IPMK: variants seen among roughly 807,000 people sequenced by gnomAD.
IPMK encodes inositol 1,3,4,6-tetrakisphosphate 5-kinase.
Under a neutral mutation model 45.8 loss-of-function variants are expected in IPMK, and 17 were observed. The ratio of observed to expected loss-of-function variants is 0.37; its 90% CI spans 0.25 to 0.56. IPMK has a LOEUF of 0.56. Among genes scored for constraint, IPMK ranks in the 20% least tolerant of loss-of-function variants. The pLI is 0.79. For missense variants in IPMK, 399 were observed against 498.0 expected, an observed-to-expected ratio of 0.80 and a Z score of 1.89; for synonymous variants, 180 against 184.3, an observed-to-expected ratio of 0.98 and a Z score of 0.19.
chr10:58,201,181 T>C (rs777190321), intron 4 of IPMK, among the ~76,000 whole-genome samples: 1 of 152,146 alleles, frequency 6.6e-6, no homozygotes, highest in Non-Finnish European at 1.5e-5. Flanking sequence ...TAATATGATA[T>C]CTTGTATGGA....
At position 58,223,667 on chromosome 10, in the gene IPMK, A is replaced by ATGATATGGTTTGGCTCTC. The variant is rs1838370831; in HGVS notation, c.373+3358_373+3375dup. 3.3e-5 allele frequency among the ~76,000 whole-genome samples: 5 copies of ATGATATGGTTTGGCTCTC among 152,198 alleles called. No individual in the cohort carries two copies. The South Asian group carries it at 1.0e-3, about 32-fold the overall frequency. On this transcript the variant is annotated intron_variant, in intron 3 of 5. Transcript: ENST00000373935. ...ATTATGAAGCCAACTGGAAAAACAG[A>ATGATATGGTTTGGCTCTC]TGATATGGTTTGGCTCTCTGTCCCC...
At chr10:58,253,734 C>CAAA (rs1183304261) in intron 1 of IPMK, among the ~76,000 whole-genome samples, 1 of 49,848 alleles carries the variant, frequency 2.0e-5, no homozygotes, top group African/African-American at 9.6e-5. Flanking sequence ...ACTCCATCTC[C>CAAA]AAAAAAAAAA....
chr10:58,257,952 G>A (rs1838997065), intron 1 of IPMK, among the ~76,000 whole-genome samples: 1 of 152,194 alleles, frequency 6.6e-6, no homozygotes, highest in Non-Finnish European at 1.5e-5. Context: ...AAAACTGACA[G>A]AACTGAAAGG....
intron 4 of IPMK, among the ~76,000 whole-genome samples, chr10:58,203,803 A>G (rs1360400553): frequency 5.9e-5 from 9 of 152,248 alleles, no homozygotes; most frequent in African/African-American, 2.2e-4. Flanking sequence ...ACTGTGGGTA[A>G]AATTCTATCA....
chr10:58,242,378 T>G (rs940463655), intron 1 of IPMK, among the ~76,000 whole-genome samples: 74 of 148,722 alleles, frequency 5.0e-4, no homozygotes, highest in African/African-American at 1.7e-3. Flanking sequence ...GAGAATGGCG[T>G]GAACCCAGGC....
At chr10:58,255,694 A>C (rs1199920793) in intron 1 of IPMK, among the ~76,000 whole-genome samples, 2 of 151,838 alleles carry the variant, frequency 1.3e-5, no homozygotes, top group Non-Finnish European at 2.9e-5. Flanking sequence ...TTCTATGATA[A>C]ACATATATTG....
At chr10:58,262,058 A>G (rs1839078197) in intron 1 of IPMK, among the ~76,000 whole-genome samples, 1 of 152,100 alleles carries the variant, frequency 6.6e-6, no homozygotes, top group Non-Finnish European at 1.5e-5. Flanking sequence ...ACACTTGGAC[A>G]CAGGGCAGGG....
In IPMK at chr10:58,227,233, C is replaced by A. The variant is rs969022624; in HGVS notation, c.277-94G>T. On this transcript the variant is annotated intron_variant, in intron 2 of 5. Coordinates refer to ENST00000373935, the MANE Select transcript of IPMK (RefSeq NM_152230.5). Reference sequence around the variant, plus strand: ...ATAAAATTTATGTTGAATTATAATTCATCTGGTATGGCTTCAATTGCAAGT... The same window carrying A: ...ATAAAATTTATGTTGAATTATAATTAATCTGGTATGGCTTCAATTGCAAGT... 2.3e-5 allele frequency: 21 copies of A among 926,728 alleles called. No homozygotes were observed. The African/African-American group carries it at 3.3e-4, about 15-fold the overall frequency. The allele number at this position is 926,728 out of a possible 1,614,324, so 57.4% of individuals were successfully genotyped here.
chr10:58,251,912 G>T (rs1447771996), intron 1 of IPMK, among the ~76,000 whole-genome samples: 1 of 152,154 alleles, frequency 6.6e-6, no homozygotes, highest in Non-Finnish European at 1.5e-5. Flanking sequence ...ATATAGTTGG[G>T]TCTTGTTTTA....
In IPMK at chr10:58,194,251, AT is replaced by A. The variant is rs1323601060; in HGVS notation, c.*1824del. The A allele has an allele frequency of 6.6e-6, 1 of 151,834 alleles. No individual in the cohort carries two copies. Among genetic ancestry groups the A allele is most frequent in the Admixed American group, 6.6e-5 (1 of 15,266 alleles). The allele number at this position is 151,834 out of a possible 1,614,324, so 9.4% of individuals were successfully genotyped here. On this transcript the variant is annotated 3_prime_UTR_variant, in exon 6 of 6. Coordinates refer to ENST00000373935, the MANE Select transcript of IPMK (RefSeq NM_152230.5). ...TAGTGTTTAATTATCTGAGCTTAAG[AT>A]TTATTGAACCACTATCCAAATAACA...
chr10:58,239,741 G>A (rs1838668671), intron 1 of IPMK, among the ~76,000 whole-genome samples: 1 of 152,082 alleles, frequency 6.6e-6, no homozygotes, highest in South Asian at 2.1e-4. Context: ...TAAACCAACA[G>A]TAAACCAACA....
At chr10:58,206,371 T>C (rs147113330) in intron 4 of IPMK, among the ~76,000 whole-genome samples, 23 of 152,310 alleles carry the variant, frequency 1.5e-4, no homozygotes, top group African/African-American at 5.1e-4. Flanking sequence ...ATACTGTAAG[T>C]TGAATGTGGT....
At chr10:58,223,286 TA>T (rs950053327) in intron 3 of IPMK, among the ~76,000 whole-genome samples, 3 of 152,006 alleles carry the variant, frequency 2.0e-5, no homozygotes, top group Non-Finnish European at 2.9e-5. Flanking sequence ...GTGTTAGGTA[TA>T]AAAAAAATTC....
Position 58,260,965 on chromosome 10 carries a change from A to G in IPMK, c.190+6457T>C, listed in dbSNP as rs534382411. 2.2e-4 allele frequency among the ~76,000 whole-genome samples: 34 copies of G among 152,258 alleles called. No homozygotes were observed. The South Asian group carries it at 7.0e-3, about 32-fold the overall frequency. ...CAAAGGACCAGAAAAAGCCAAGACA[A>G]TCTTGAAATAGTAAGTGGGATGCAT... is the stretch of plus-strand genomic sequence containing the variant. On this transcript the variant is annotated intron_variant, in intron 1 of 5. Transcript: ENST00000373935.
Position 58,196,157 on chromosome 10 carries a change from G to A in IPMK, c.1170C>T (p.Phe390=). The A allele has an allele frequency of 6.2e-7, 1 of 1,613,692 alleles. No homozygotes were observed. Among genetic ancestry groups the A allele is most frequent in the East Asian group, 2.2e-5 (1 of 44,866 alleles). The change falls in exon 6 of 6, where the codon TTC becomes TTT. Residue 390 remains phenylalanine, a synonymous_variant. Transcript: ENST00000373935. ...ATCCCTCATCTATTGTGTTGCTAGG[G>A]AACACATGAGCAAAATCTATCATTC... ...EVRMIDFAHV[F]PSNTIDEGYV... is the part of the protein sequence containing the mutation.
intron 5 of IPMK, among the ~76,000 whole-genome samples, chr10:58,198,847 T>C (rs1837946187): frequency 6.6e-6 from 1 of 152,174 alleles, no homozygotes. Flanking sequence ...AAAAATACAT[T>C]AAATGCTACA....
intron 4 of IPMK, among the ~76,000 whole-genome samples, chr10:58,209,462 C>A (rs942999829): frequency 1.3e-5 from 2 of 152,180 alleles, no homozygotes. Flanking sequence ...TGGTGCTCTC[C>A]CTATTCCCCT....
At chr10:58,259,867 C>T (rs1221166231) in intron 1 of IPMK, among the ~76,000 whole-genome samples, 1 of 151,772 alleles carries the variant, frequency 6.6e-6, no homozygotes, top group Non-Finnish European at 1.5e-5. Context: ...ACAAATGTAA[C>T]ACGAATGATA....
chr10:58,223,555 C>G (rs1421968421), intron 3 of IPMK, among the ~76,000 whole-genome samples: 1 of 152,110 alleles, frequency 6.6e-6, no homozygotes, highest in Non-Finnish European at 1.5e-5. Flanking sequence ...CTCATCCTAT[C>G]TGGAAAATCT....
Sources: gnomAD v4.1 joint callset for allele counts (sites outside exome capture counted in the v4.1 genomes callset) on GRCh38, gnomAD v4.1.1 for gene constraint, MANE v1.5 for transcripts, NCBI Gene and HGNC (gene_info 2026-07-23, HGNC 2026-07-21) for gene names.